NRG4: variants seen among roughly 807,000 people sequenced by gnomAD.
The protein encoded by NRG4 is pro-neuregulin-4, membrane-bound isoform.
In NRG4, 10 loss-of-function variants were observed where a neutral mutation model predicts 15.0. The observed-to-expected ratio is 0.67, with a 90% CI of 0.41 to 1.13. The LOEUF (loss-of-function observed/expected upper bound fraction) is 1.13. Among genes scored for constraint, NRG4 ranks in the 50% most tolerant of loss-of-function variants. NRG4 has a pLI of 0.00. For synonymous variants in NRG4, 41 were observed against 50.1 expected, an observed-to-expected ratio of 0.82 and a Z score of 0.77; for missense variants, 139 against 140.2, an observed-to-expected ratio of 0.99 and a Z score of 0.04.
intron 4 of NRG4, among the ~76,000 whole-genome samples, chr15:76,037,345 A>G (rs2058261827): frequency 6.6e-6 from 1 of 152,140 alleles, no homozygotes; most frequent in Non-Finnish European, 1.5e-5. Flanking sequence ...CCCCTCCCCT[A>G]TCCCATCACA....
intron 3 of NRG4, among the ~76,000 whole-genome samples, chr15:75,966,700 T>C (rs974589445): frequency 1.3e-5 from 2 of 152,034 alleles, no homozygotes; most frequent in African/African-American, 4.8e-5. Context: ...ATACGTCAAA[T>C]CTGGCTTCCA....
chr15:75,962,237 T>C (rs982362990), intron 3 of NRG4, among the ~76,000 whole-genome samples: 3 of 152,220 alleles, frequency 2.0e-5, no homozygotes, highest in Non-Finnish European at 2.9e-5. Context: ...TTATAGAGTA[T>C]TCAGTGTTTT....
intron 3 of NRG4, among the ~76,000 whole-genome samples, chr15:75,999,400 T>C (rs2034325315): frequency 6.6e-6 from 1 of 152,206 alleles, no homozygotes; most frequent in South Asian, 2.1e-4. Flanking sequence ...TAGTTCCTTA[T>C]AAAAAGGCTA....
At chr15:75,994,698 G>T (rs1214471859) in intron 3 of NRG4, among the ~76,000 whole-genome samples, 1 of 152,162 alleles carries the variant, frequency 6.6e-6, no homozygotes, top group African/African-American at 2.4e-5. Context: ...AAAAATCTAT[G>T]TGCTTTCTCT....
intron 5 of NRG4, among the ~76,000 whole-genome samples, chr15:76,035,121 C>A (rs989331695): frequency 6.6e-6 from 1 of 152,238 alleles, no homozygotes; most frequent in African/African-American, 2.4e-5. Flanking sequence ...AAAGCCAGAA[C>A]TGCTGTTCAA....
At chr15:75,963,367 G>C (rs564721617) in intron 3 of NRG4, among the ~76,000 whole-genome samples, 1 of 152,270 alleles carries the variant, frequency 6.6e-6, no homozygotes, top group African/African-American at 2.4e-5. Flanking sequence ...TGGAGGGCCA[G>C]GCACAGTGAC....
At chr15:75,953,883 C>A (rs2032062527) in intron 5 of NRG4, among the ~76,000 whole-genome samples, 2 of 152,190 alleles carry the variant, frequency 1.3e-5, no homozygotes, top group Non-Finnish European at 2.9e-5. Flanking sequence ...GATGAGGTCT[C>A]ACTATGTTTC....
At chr15:75,959,180 G>A (rs1316604558) in intron 4 of NRG4, 2 of 364,008 alleles carry the variant, frequency 5.5e-6, no homozygotes, top group Admixed American at 3.1e-5. Context: ...TACAGACGGG[G>A]TCTTGCTATG....
chr15:75,963,545 C>T (rs554102425), intron 3 of NRG4, among the ~76,000 whole-genome samples: 1 of 151,822 alleles, frequency 6.6e-6, no homozygotes, highest in African/African-American at 2.4e-5. Context: ...TTTGGGAGGC[C>T]GAGGCGGGCA....
intron 3 of NRG4, among the ~76,000 whole-genome samples, chr15:75,964,150 T>A (rs1477911726): frequency 6.6e-6 from 1 of 151,698 alleles, no homozygotes; most frequent in Non-Finnish European, 1.5e-5. Flanking sequence ...TAAACACACA[T>A]AAACACACAC....
At chr15:76,018,356 G>A (rs957087301) in intron 5 of NRG4, among the ~76,000 whole-genome samples, 9 of 152,206 alleles carry the variant, frequency 5.9e-5, no homozygotes, top group African/African-American at 1.9e-4. Context: ...TCTCCATCCA[G>A]TTTTGTTCCC....
chr15:76,043,113 T>C (rs1420348144), intron 4 of NRG4, among the ~76,000 whole-genome samples: 1 of 152,080 alleles, frequency 6.6e-6, no homozygotes, highest in Non-Finnish European at 1.5e-5. Flanking sequence ...TTCATTGTGA[T>C]AAAAACTAAA....
intron 3 of NRG4, among the ~76,000 whole-genome samples, chr15:75,985,401 C>T (rs941110500): frequency 1.3e-5 from 2 of 152,154 alleles, no homozygotes; most frequent in Admixed American, 1.3e-4. Context: ...TGAATTGTGA[C>T]AATTTAAGTG....
At chr15:75,960,314 T>A (rs1449998314) in intron 4 of NRG4, among the ~76,000 whole-genome samples, 1 of 152,144 alleles carries the variant, frequency 6.6e-6, no homozygotes, top group African/African-American at 2.4e-5. Flanking sequence ...CATAGATACA[T>A]TTAAAGTCAA....
At chr15:75,998,756 C>T (rs973300395) in intron 3 of NRG4, among the ~76,000 whole-genome samples, 2 of 151,964 alleles carry the variant, frequency 1.3e-5, no homozygotes, top group Non-Finnish European at 2.9e-5. Context: ...ATATGCAAAA[C>T]ATATATAATG....
At chr15:75,939,000 A>C (rs1192587781), downstream of NRG4, 1 of 152,214 alleles carries the variant, frequency 6.6e-6, no homozygotes, top group African/African-American at 2.4e-5. Context: ...GCTTACATTA[A>C]AAAACAAAAA....
At chr15:75,993,392 T>TAAAAAA (rs60453624) in intron 3 of NRG4, among the ~76,000 whole-genome samples, 1 of 72,176 alleles carries the variant, frequency 1.4e-5, no homozygotes, top group Non-Finnish European at 2.8e-5. Flanking sequence ...GAGGATTCTG[T>TAAAAAA]AAAAAAAAAA....
At chr15:76,011,178 T>C (rs762641190) in intron 2 of NRG4, 43 bp downstream of exon 2, 2 of 1,348,638 alleles carry the variant, frequency 1.5e-6, no homozygotes, top group Non-Finnish European at 9.8e-7. Flanking sequence ...TCTATTGCTA[T>C]GGACACATAT....
chr15:75,988,866 T>C (rs1248900197), intron 3 of NRG4, among the ~76,000 whole-genome samples: 1 of 149,328 alleles, frequency 6.7e-6, no homozygotes, highest in Non-Finnish European at 1.5e-5. Context: ...TTTTTTTTTT[T>C]TTTTTTTTTG....
Sources: allele counts gnomAD v4.1 joint callset (sites outside exome capture counted in the v4.1 genomes callset), GRCh38; gene constraint gnomAD v4.1.1; transcripts MANE v1.5; gene names NCBI Gene and HGNC (gene_info 2026-07-23, HGNC 2026-07-21).